XDH: variants seen among roughly 807,000 people sequenced by gnomAD.
XDH encodes the protein xanthine dehydrogenase, also known as xanthine dehydrogenase/oxidase.
XDH carries 138 observed loss-of-function variants against 156.1 expected under a neutral mutation model. The observed-to-expected ratio is 0.88, with a 90% CI of 0.77 to 1.02. The LOEUF (loss-of-function observed/expected upper bound fraction) is 1.02. Ranked by LOEUF, XDH falls within the 50% of genes least tolerant of loss-of-function variation. The probability of loss-of-function intolerance (pLI) is 0.00; values close to 1 mark genes in which losing one functional copy is unlikely to be tolerated. For missense variants in XDH, 1,849 were observed against 1,684.9 expected (o/e 1.10, Z -1.71); for synonymous variants, 669 against 625.7 (o/e 1.07, Z -1.03).
intron 12 of XDH, among the ~76,000 whole-genome samples, chr2:31,380,477 T>G (rs373172931): frequency 6.6e-6 from 1 of 152,086 alleles, no homozygotes; most frequent in East Asian, 1.9e-4. Context: ...CTTCTGGGAG[T>G]CCAGACTTTA....
intron 9 of XDH, chr2:31,384,253 G>A (rs1356173535): frequency 4.3e-6 from 1 of 230,276 alleles, no homozygotes; most frequent in Non-Finnish European, 8.7e-6. Context: ...ACAACCCTAT[G>A]AGGTACTATG....
At chr2:31,387,607 A>G (rs1362541716) in intron 8 of XDH, among the ~76,000 whole-genome samples, 4 of 152,194 alleles carry the variant, frequency 2.6e-5, no homozygotes, top group Non-Finnish European at 5.9e-5. Context: ...TGTAACTGTG[A>G]CACACATGAA....
At chr2:31,368,683 A>G in intron 18 of XDH, 23 bp from the exon 19 acceptor site, 1 of 1,614,232 alleles carries the variant, frequency 6.2e-7, no homozygotes, top group Non-Finnish European at 8.5e-7. Flanking sequence ...ACAGACTGTT[A>G]AAGAACGCAA....
At position 31,387,892 on chromosome 2, in the gene XDH, G is replaced by A. The variant is rs1434828942; in HGVS notation, c.570C>T (p.Ser190=). 1 of 1,579,676 alleles carries A rather than the reference G, an allele frequency of 6.3e-7. No individual in the cohort carries two copies. The part of the protein sequence containing the change: ...CMNQKKDHSV[S]LSPSLFKPEE... Reference sequence around the variant, plus strand: ...CTGGTTTGAATAAAGATGGCGAGAGGCTGACCTATGGGGAAAGAGAACAGG... The same window carrying A: ...CTGGTTTGAATAAAGATGGCGAGAGACTGACCTATGGGGAAAGAGAACAGG... Residue 190 remains serine, a synonymous_variant, in exon 8 of 36, where the codon AGC becomes AGT. Transcript: ENST00000379416.
At chr2:31,413,708 T>C (rs1388936687) in intron 1 of XDH, among the ~76,000 whole-genome samples, 1 of 152,202 alleles carries the variant, frequency 6.6e-6, no homozygotes, top group Non-Finnish European at 1.5e-5. Flanking sequence ...GGGGACACTT[T>C]GGGCACATTC....
At chr2:31,347,973 G>A (rs908035646) in intron 28 of XDH, among the ~76,000 whole-genome samples, 8 of 152,180 alleles carry the variant, frequency 5.3e-5, no homozygotes, top group Non-Finnish European at 7.3e-5. Context: ...ACTCCACTCC[G>A]AGGAGTCTTG....
At chr2:31,375,624 G>A in intron 14 of XDH, 70 bp from the exon 15 acceptor site, 18 of 1,547,674 alleles carry the variant, frequency 1.2e-5, no homozygotes, top group Admixed American at 1.9e-5. Context: ...AGAGCTGTGT[G>A]CCCAGGGCCT....
At chr2:31,408,697 T>C (rs1042520559) in intron 1 of XDH, among the ~76,000 whole-genome samples, 15 of 152,156 alleles carry the variant, frequency 9.9e-5, no homozygotes, top group African/African-American at 3.6e-4. Flanking sequence ...CAATGGAAAT[T>C]AGTACAGCCA....
At chr2:31,346,610 G>T (rs1415361322) in intron 30 of XDH, among the ~76,000 whole-genome samples, 159 bp downstream of exon 30, 1 of 152,128 alleles carries the variant, frequency 6.6e-6, no homozygotes, top group Non-Finnish European at 1.5e-5. Context: ...GCCAGAATGA[G>T]CATTTATTCA....
chr2:31,336,710 C>A (rs1316982959), intron 35 of XDH, among the ~76,000 whole-genome samples: 1 of 150,654 alleles, frequency 6.6e-6, no homozygotes, highest in Non-Finnish European at 1.5e-5. Context: ...GTGTTGAGGT[C>A]TGCGGATGGT....
At chr2:31,369,733 T>G (rs1164897183) in intron 18 of XDH, among the ~76,000 whole-genome samples, 1 of 152,242 alleles carries the variant, frequency 6.6e-6, no homozygotes, top group Non-Finnish European at 1.5e-5. Flanking sequence ...TGTTCTCATA[T>G]TTTTAGTTTT....
At chr2:31,341,922 A>G (rs1317182316) in intron 32 of XDH, among the ~76,000 whole-genome samples, 2 of 152,244 alleles carry the variant, frequency 1.3e-5, no homozygotes, top group African/African-American at 4.8e-5. Flanking sequence ...TTATTGGAAC[A>G]GAGTCACACT....
At chr2:31,373,503 C>T (rs1437990873) in intron 16 of XDH, among the ~76,000 whole-genome samples, 1 of 151,338 alleles carries the variant, frequency 6.6e-6, no homozygotes, top group Non-Finnish European at 1.5e-5. Flanking sequence ...CTTTACGTAG[C>T]ACCTCTCAAA....
At chr2:31,389,052 GC>G (rs2147995666) in intron 6 of XDH, among the ~76,000 whole-genome samples, 1 of 152,328 alleles carries the variant, frequency 6.6e-6, no homozygotes, top group South Asian at 2.1e-4. Context: ...GCAGCTCAGG[GC>G]TTCAGAAGAC....
At chr2:31,357,392 T>G (rs1210901835) in intron 24 of XDH, among the ~76,000 whole-genome samples, 1 of 152,112 alleles carries the variant, frequency 6.6e-6, no homozygotes, top group Admixed American at 6.5e-5. Flanking sequence ...CAAATCAGGA[T>G]TGAAACACGG....
intron 9 of XDH, 135 bp downstream of exon 9, chr2:31,386,279 G>T: frequency 8.2e-7 from 1 of 1,214,714 alleles, no homozygotes; most frequent in Non-Finnish European, 1.2e-6. Context: ...TTTCCAGTGG[G>T]CTCCAGGTAG....
rs1553411632 is a variant in XDH, at chr2:31,343,306, A to ATATATATGCATGTT, written c.3405-1010_3405-1009insAACATGCATATATA. The stretch of plus-strand genomic sequence containing the variant: ...TCACCATATATATATATATATATAT[A>ATATATATGCATGTT]TATATATATATATATATATATGCAT... On this transcript the variant is annotated intron_variant, in intron 31 of 35. Coordinates refer to ENST00000379416, the MANE Select transcript of XDH (RefSeq NM_000379.4). Among the ~76,000 whole-genome samples, 100 of 107,146 alleles carry ATATATATGCATGTT rather than the reference A, an allele frequency of 9.3e-4. 4 individuals are homozygous for ATATATATGCATGTT. The highest frequency in any genetic ancestry group is 3.5e-3 in the East Asian group (13 of 3,670). 70.3% of individuals were successfully genotyped at this position (107,146 alleles called of 152,430 possible).
chr2:31,404,855 G>A (rs925137299), intron 2 of XDH, among the ~76,000 whole-genome samples: 7 of 152,186 alleles, frequency 4.6e-5, no homozygotes, highest in Non-Finnish European at 1.0e-4. Flanking sequence ...GATAGGAGGG[G>A]AGCAAACCAG....
chr2:31,369,723 T>C (rs1020022837), intron 18 of XDH, among the ~76,000 whole-genome samples: 4 of 152,264 alleles, frequency 2.6e-5, no homozygotes, highest in Non-Finnish European at 5.9e-5. Flanking sequence ...ATGGAGTCTT[T>C]GTTCTCATAT....
Sources: gnomAD v4.1 joint callset for allele counts (sites outside exome capture counted in the v4.1 genomes callset) on GRCh38, gnomAD v4.1.1 for gene constraint, MANE v1.5 for transcripts, NCBI Gene and HGNC (gene_info 2026-07-23, HGNC 2026-07-21) for gene names.